LCA5: variants seen among roughly 807,000 people sequenced by gnomAD.
LCA5 encodes lebercilin LCA5.
LCA5 carries 37 observed loss-of-function variants against 53.0 expected under a neutral mutation model. The observed-to-expected ratio is 0.70, with a 90% CI of 0.54 to 0.92. The LOEUF (loss-of-function observed/expected upper bound fraction) is 0.92, where lower values mean the gene tolerates loss of function less well. Among genes scored for constraint, LCA5 ranks in the 40% least tolerant of loss-of-function variants. The pLI is 0.00. For synonymous variants in LCA5, 303 were observed against 282.9 expected, an observed-to-expected ratio of 1.07 and a Z score of -0.71; for missense variants, 806 against 790.5, an observed-to-expected ratio of 1.02 and a Z score of -0.23.
chr6:79,524,015 CA>C (rs1233608446), intron 1 of LCA5, among the ~76,000 whole-genome samples: 3 of 152,100 alleles, frequency 2.0e-5, no homozygotes, highest in Non-Finnish European at 4.4e-5. Context: ...GTTGGTTATG[CA>C]TGGTTTTTCT....
intron 1 of LCA5, among the ~76,000 whole-genome samples, chr6:79,527,469 G>A (rs1434710607): frequency 6.6e-6 from 1 of 152,146 alleles, no homozygotes; most frequent in Non-Finnish European, 1.5e-5. Flanking sequence ...ATACCTGCCC[G>A]GTCTTACCTT....
At chr6:79,534,338 T>A (rs1312481140) in intron 1 of LCA5, among the ~76,000 whole-genome samples, 1 of 151,968 alleles carries the variant, frequency 6.6e-6, no homozygotes, top group Non-Finnish European at 1.5e-5. Context: ...AAACAATGGA[T>A]CAAATTAAAA....
At chr6:79,518,647 C>T in intron 2 of LCA5, 58 bp downstream of exon 2, 1 of 1,486,420 alleles carries the variant, frequency 6.7e-7, no homozygotes. Context: ...CACACATTTT[C>T]CTTAAGCACT....
At chr6:79,533,388 T>C (rs1767011935) in intron 1 of LCA5, among the ~76,000 whole-genome samples, 2 of 152,036 alleles carry the variant, frequency 1.3e-5, no homozygotes, top group Non-Finnish European at 2.9e-5. Flanking sequence ...ATGTATCCCA[T>C]TAGTTCCCTC....
In LCA5 at chr6:79,487,631, CA is replaced by C. The variant is rs1240302846; in HGVS notation, c.1466del (p.Leu489CysfsTer104). The part of the protein sequence containing the change: ...QDSRNLKYPV[L>X]PLLPDFESKL... Reference sequence around the variant, plus strand: ...TTGATTCAAAATCAGGTAACAATGGCAAAACAGGGTATTTTAGATTTCGAGA... The same window carrying C: ...TTGATTCAAAATCAGGTAACAATGGCAAACAGGGTATTTTAGATTTCGAGA... On this transcript the variant is annotated frameshift_variant, in exon 8 of 8. Transcript: ENST00000369846. LOFTEE classifies it low-confidence loss of function (END_TRUNC). 1.9e-6 allele frequency: 3 copies of C among 1,614,036 alleles called. No individual in the cohort carries two copies. The highest frequency in any genetic ancestry group is 2.5e-6 in the Non-Finnish European group (3 of 1,179,940).
chr6:79,503,802 G>A (rs1003686511), intron 3 of LCA5, among the ~76,000 whole-genome samples: 2 of 152,098 alleles, frequency 1.3e-5, no homozygotes, highest in East Asian at 1.9e-4. Flanking sequence ...GTGTGTGCGC[G>A]CGTGCGCGTG....
chr6:79,511,791 A>G (rs956898330), intron 3 of LCA5, among the ~76,000 whole-genome samples: 4 of 152,190 alleles, frequency 2.6e-5, no homozygotes, highest in Non-Finnish European at 5.9e-5. Context: ...ATGGTTAACT[A>G]CTTCAAAGAC....
chr6:79,516,355 A>T (rs989600935), intron 2 of LCA5, among the ~76,000 whole-genome samples: 18 of 152,116 alleles, frequency 1.2e-4, no homozygotes, highest in African/African-American at 4.3e-4. Flanking sequence ...TTTATACATA[A>T]AAATAATTAT....
chr6:79,529,962 G>T (rs1385207574), intron 1 of LCA5, among the ~76,000 whole-genome samples: 26 of 131,418 alleles, frequency 2.0e-4, no homozygotes, highest in Non-Finnish European at 1.1e-4. Flanking sequence ...GTTGTGGGGT[G>T]GGGGGAGGGG....
Position 79,485,839 on chromosome 6 carries a change from T to A in LCA5, c.*1165A>T, listed in dbSNP as rs1487821255. 1 of 152,174 alleles carries A rather than the reference T, an allele frequency of 6.6e-6. No individual in the cohort carries two copies. Among genetic ancestry groups the A allele is most frequent in the Non-Finnish European group, 1.5e-5 (1 of 68,024 alleles). The allele number at this position is 152,174 out of a possible 1,614,324, so 9.4% of individuals were successfully genotyped here. On this transcript the variant is annotated 3_prime_UTR_variant, in exon 8 of 8. Transcript: ENST00000369846. ...ATGTTTTCTCCTTGGGCTGGTGGTA[T>A]ATTACTGCTTTTTAAAGACCAATCA... is the stretch of plus-strand genomic sequence containing the variant.
At chr6:79,496,294 A>G (rs1205864131) in intron 3 of LCA5, among the ~76,000 whole-genome samples, 1 of 152,214 alleles carries the variant, frequency 6.6e-6, no homozygotes, top group Non-Finnish European at 1.5e-5. Context: ...TACATCTACT[A>G]TATAACACAT....
In LCA5 at chr6:79,493,700, C is replaced by T; in HGVS notation, c.771G>A (p.Leu257=). The T allele has an allele frequency of 6.2e-7, 1 of 1,613,618 alleles. No homozygotes were observed. The highest frequency in any genetic ancestry group is 1.7e-5 in the Admixed American group (1 of 59,974). ...CATATGCCCTTTTCCTTTCAGCAAG[C>T]AACTGTCGTTGGAAACTGTTAGTAC... ...ELSTNSFQRQ[L]LAERKRAYEA... is the part of the protein sequence containing the mutation. The change falls in exon 4 of 8, where the codon TTG becomes TTA. Residue 257 remains leucine (L), a synonymous_variant. Coordinates refer to ENST00000369846, the MANE Select transcript of LCA5 (RefSeq NM_001122769.3).
intron 3 of LCA5, among the ~76,000 whole-genome samples, chr6:79,507,225 T>C (rs537584009): frequency 3.8e-4 from 58 of 152,244 alleles, no homozygotes; most frequent in Non-Finnish European, 7.4e-4. Context: ...AATTAAAAAA[T>C]AGAAAATTAT....
Position 79,487,641 on chromosome 6 carries a change from T to C in LCA5, c.1457A>G (p.Tyr486Cys), listed in dbSNP as rs760704047. ...ATCAGGTAACAATGGCAAAACAGGG[T>C]ATTTTAGATTTCGAGAATCTTGGAG... ...RELQDSRNLK[Y>C]PVLPLLPDFE... Residue 486 changes from tyrosine (Y) to cysteine (C), a missense_variant, in exon 8 of 8, where the codon TAC becomes TGC. Physicochemically the swap from Tyr to Cys is radical, Grantham distance 194 (BLOSUM62 -2). Coordinates refer to ENST00000369846, the MANE Select transcript of LCA5 (RefSeq NM_001122769.3). 6 of 1,613,962 alleles carry C rather than the reference T, an allele frequency of 3.7e-6. No individual in the cohort carries two copies. Among genetic ancestry groups the C allele is most frequent in the Non-Finnish European group, 5.1e-6 (6 of 1,179,910 alleles).
rs754103021 is a variant in LCA5 at position 79,518,695 on chromosome 6, G to A, written c.190+10C>T. ...TCTAGGTCCACCAGACTCTTTTAAAGAATGCTTACCTTGGTGATGTACTTG... is the reference window on the plus strand; with the variant it reads ...TCTAGGTCCACCAGACTCTTTTAAAAAATGCTTACCTTGGTGATGTACTTG... On this transcript the variant is annotated intron_variant, in intron 2 of 7. Transcript: ENST00000369846. 1 of 1,613,676 alleles carries A rather than the reference G, an allele frequency of 6.2e-7. No homozygotes were observed. The highest frequency in any genetic ancestry group is 8.5e-7 in the Non-Finnish European group (1 of 1,179,606).
At position 79,489,164 on chromosome 6, in the gene LCA5, G is replaced by T; in HGVS notation, c.1151C>A (p.Pro384Gln). 6.2e-7 allele frequency: 1 copy of T among 1,612,550 alleles called. No homozygotes were observed. Residue 384 changes from proline to glutamine, a missense_variant, in exon 7 of 8, where the codon CCA becomes CAA. Transcript: ENST00000369846. ...DRHGEAGILN[P>Q]IMEREEKFVT... is the part of the protein sequence containing the mutation. ...AAATTTTTCTTCTCTTTCCATAATT[G>T]GGTTTAGAATCCCTGCTTCTCCATG...
intron 1 of LCA5, among the ~76,000 whole-genome samples, chr6:79,521,974 T>C (rs1330913565): frequency 2.0e-5 from 3 of 152,130 alleles, no homozygotes; most frequent in East Asian, 3.8e-4. Flanking sequence ...ACGAATTATA[T>C]CAGCAAACGA....
chr6:79,513,575 T>C lies in LCA5; in HGVS notation c.357A>G (p.Val119=), dbSNP rs145463049. The part of the protein sequence containing the change: ...LLKINELQNE[V]SELQVKLAEL... ...CAGCTAACTTGACCTGGAGTTCAGA[T>C]ACTTCATTCTGCAACTCATTGATTT... The change falls in exon 3 of 8, where the codon GTA becomes GTG. Residue 119 remains valine (V), a synonymous_variant. Coordinates refer to ENST00000369846, the MANE Select transcript of LCA5 (RefSeq NM_001122769.3). The C allele has an allele frequency of 2.9e-5, 46 of 1,613,988 alleles. No individual in the cohort carries two copies. The highest frequency in any genetic ancestry group is 3.9e-5 in the Non-Finnish European group (46 of 1,179,884).
chr6:79,489,314 T>C (rs773792716), intron 6 of LCA5, 98 bp from the exon 7 acceptor site: 245 of 1,224,902 alleles, frequency 2.0e-4, no homozygotes, highest in Non-Finnish European at 2.7e-4. Context: ...ACCAACTAAG[T>C]TAAAAATTAA....
Sources: gnomAD v4.1 joint callset for allele counts (sites outside exome capture counted in the v4.1 genomes callset) on GRCh38, gnomAD v4.1.1 for gene constraint, MANE v1.5 for transcripts, NCBI Gene and HGNC (gene_info 2026-07-23, HGNC 2026-07-21) for gene names.